PTPA: variants seen among roughly 807,000 people sequenced by gnomAD.
PTPA encodes serine/threonine-protein phosphatase 2A activator.
PTPA carries 13 observed loss-of-function variants against 43.6 expected under a neutral mutation model. The observed-to-expected ratio is 0.30, with a 90% confidence interval of 0.19 to 0.47. PTPA has a LOEUF of 0.47. Ranked by LOEUF, PTPA falls within the 20% of genes least tolerant of loss-of-function variation. The pLI, the probability that PTPA is intolerant of heterozygous loss-of-function variation, is 0.99. For missense variants in PTPA, 329 were observed against 411.9 expected, an observed-to-expected ratio of 0.80 and a Z score of 1.74; for synonymous variants, 172 against 158.2, an observed-to-expected ratio of 1.09 and a Z score of -0.66.
chr9:129,120,346 C>T (rs978448266), intron 1 of PTPA, among the ~76,000 whole-genome samples, 167 bp from the exon 2 acceptor site: 34 of 151,608 alleles, frequency 2.2e-4, no homozygotes, highest in African/African-American at 8.3e-4. Context: ...ATCGCTTGAA[C>T]CCTGGAGGTG....
At chr9:129,111,257 C>T (rs1351325000), upstream of PTPA, 15 of 1,170,274 alleles carry the variant, frequency 1.3e-5, no homozygotes, top group African/African-American at 1.5e-4. Context: ...TCGTGGCAGT[C>T]GCGGCGCCCG....
chr9:129,142,522 CCAGGGTCT>C lies in PTPA; in HGVS notation c.867_874del (p.Gln289HisfsTer5). The C allele has an allele frequency of 6.2e-7, 1 of 1,614,030 alleles. No homozygotes were observed. The highest frequency in any genetic ancestry group is 2.2e-5 in the East Asian group (1 of 44,880). On this transcript the variant is annotated frameshift_variant, in exon 9 of 10. Transcript: ENST00000393370. LOFTEE classifies it high-confidence loss of function. ...CCGTCCCTTCCTGGTCCAAAGTGAA[CCAGGGTCT>C]CATCCGCATGTATAAGGCCGAGGTG... is the stretch of plus-strand genomic sequence containing the variant.
At chr9:129,111,352 C>T (rs1848460361), upstream of PTPA, 2 of 1,193,698 alleles carry the variant, frequency 1.7e-6, no homozygotes, top group East Asian at 3.5e-5. Context: ...ACATGGCCGT[C>T]GCCCGGTTCC....
chr9:129,128,065 G>T, intron 3 of PTPA: 1 of 1,329,254 alleles, frequency 7.5e-7, no homozygotes, highest in East Asian at 5.0e-5. Flanking sequence ...GTGCACCTTC[G>T]GAGGTATTTA....
At chr9:129,138,086 G>C (rs1216416623) in intron 8 of PTPA, 3 of 285,078 alleles carry the variant, frequency 1.1e-5, no homozygotes, top group Non-Finnish European at 2.1e-5. Flanking sequence ...TGTGTAAAAT[G>C]AAACCACCAG....
chr9:129,116,632 G>A (rs1374891543), intron 1 of PTPA, among the ~76,000 whole-genome samples: 2 of 152,198 alleles, frequency 1.3e-5, no homozygotes, highest in Admixed American at 6.5e-5. Flanking sequence ...TGATCCGCCC[G>A]CCTCGGCCTC....
intron 3 of PTPA, chr9:129,128,164 G>T: frequency 1.3e-6 from 1 of 765,266 alleles, no homozygotes. Context: ...TGGTGTTTTA[G>T]CTGGGGTTTG....
At chr9:129,139,116 C>T (rs997920427) in intron 8 of PTPA, among the ~76,000 whole-genome samples, 3 of 152,282 alleles carry the variant, frequency 2.0e-5, no homozygotes, top group South Asian at 4.1e-4. Context: ...TGGGCTCCCC[C>T]GGCGGCTGGC....
In PTPA at chr9:129,125,223, C is replaced by T. The variant is rs557371626; in HGVS notation, c.216+2085C>T. 1.8e-4 allele frequency among the ~76,000 whole-genome samples: 27 copies of T among 151,606 alleles called. No individual in the cohort carries two copies. In the Middle Eastern group the frequency reaches 0.01, roughly 58 times the overall value. On this transcript the variant is annotated intron_variant, in intron 3 of 9. Coordinates refer to ENST00000393370, the MANE Select transcript of PTPA (RefSeq NM_178000.3). The stretch of plus-strand genomic sequence containing the variant: ...TTAGCTGCCAAGTCCCCTAATTGCC[C>T]GTGGCTTTGATGGTAGCCATCCACA...
At chr9:129,133,067 G>A (rs1850091379) in intron 5 of PTPA, among the ~76,000 whole-genome samples, 1 of 152,226 alleles carries the variant, frequency 6.6e-6, no homozygotes, top group Non-Finnish European at 1.5e-5. Context: ...GGCCTGTCGA[G>A]CCACCATGCT....
chr9:129,129,059 C>T lies in PTPA; in HGVS notation c.291C>T (p.Pro97=). The T allele has an allele frequency of 1.2e-6, 2 of 1,612,718 alleles. No individual in the cohort carries two copies. The highest frequency in any genetic ancestry group is 1.7e-6 in the Non-Finnish European group (2 of 1,180,016). ...WIDETPPVDQ[P]SRFGNKAYRT... is the part of the protein sequence containing the mutation. Reference sequence around the variant, plus strand: ...ATGAGACTCCTCCAGTGGACCAGCCCTCTCGGTTTGGGAATAAGGCATACA... The same window carrying T: ...ATGAGACTCCTCCAGTGGACCAGCCTTCTCGGTTTGGGAATAAGGCATACA... The change falls in exon 4 of 10, where the codon CCC becomes CCT. Residue 97 remains proline, a synonymous_variant. Transcript: ENST00000393370.
intron 9 of PTPA, 25 bp from the exon 10 acceptor site, chr9:129,147,362 C>T: frequency 6.2e-7 from 1 of 1,612,148 alleles, no homozygotes; most frequent in Non-Finnish European, 8.5e-7. Flanking sequence ...CCTCACCACT[C>T]TGCTCACCTG....
intron 8 of PTPA, chr9:129,142,015 G>A (rs2297111): frequency 0.58 from 91,479 of 156,796 alleles, 29,221 homozygotes; most frequent in Non-Finnish European, 0.7. Context: ...GAACCCAAGT[G>A]AATCCCTGTG....
At chr9:129,111,146 G>C (rs969147113), upstream of PTPA, 3 of 1,260,538 alleles carry the variant, frequency 2.4e-6, no homozygotes, top group Non-Finnish European at 3.2e-6. Flanking sequence ...CCTTGGGTTA[G>C]GGTCAGTACC....
intron 2 of PTPA, 64 bp from the exon 3 acceptor site, chr9:129,122,988 G>A: frequency 7.7e-7 from 1 of 1,297,766 alleles, no homozygotes; most frequent in African/African-American, 1.5e-5. Context: ...TGGAGCTCGG[G>A]GCAGGTGGGG....
chr9:129,134,290 G>A (rs182649915), intron 5 of PTPA, among the ~76,000 whole-genome samples: 1 of 139,974 alleles, frequency 7.1e-6, no homozygotes, highest in African/African-American at 2.7e-5. Context: ...TATAGTACTG[G>A]TAGTTCTTTT....
chr9:129,145,939 T>A (rs566247491), intron 9 of PTPA, among the ~76,000 whole-genome samples: 1 of 152,106 alleles, frequency 6.6e-6, no homozygotes, highest in Non-Finnish European at 1.5e-5. Context: ...CCCTGGAGCC[T>A]TAGGCTTCCT....
intron 7 of PTPA, among the ~76,000 whole-genome samples, chr9:129,137,301 G>C (rs1850435074): frequency 6.6e-6 from 1 of 152,200 alleles, no homozygotes; most frequent in South Asian, 2.1e-4. Context: ...GAGTGCTGTA[G>C]GTGTGGTAAT....
intron 1 of PTPA, among the ~76,000 whole-genome samples, chr9:129,117,398 C>CT (rs970653202): frequency 4.0e-5 from 6 of 151,664 alleles, no homozygotes; most frequent in African/African-American, 1.5e-4. Flanking sequence ...GTGGGCCTAT[C>CT]TTTTTTTTCT....
Sources: gnomAD v4.1 joint callset for allele counts (sites outside exome capture counted in the v4.1 genomes callset) on GRCh38, gnomAD v4.1.1 for gene constraint, MANE v1.5 for transcripts, NCBI Gene and HGNC (gene_info 2026-07-23, HGNC 2026-07-21) for gene names.